The following PRELID2 variants were observed in gnomAD, a reference collection of about 807,000 sequenced individuals.
PRELID2 encodes PRELI domain containing 2.
Under a neutral mutation model 28.4 loss-of-function variants are expected in PRELID2, and 25 were observed. The observed-to-expected ratio is 0.88, with a 90% CI of 0.64 to 1.23. PRELID2 has a LOEUF of 1.23. Among genes scored for constraint, PRELID2 ranks in the 50% most tolerant of loss-of-function variants. The pLI is 0.00. For missense variants in PRELID2, 201 were observed against 214.4 expected (o/e 0.94, Z 0.39); for synonymous variants, 76 against 71.6 (o/e 1.06, Z -0.31).
chr5:145,453,610 C>G, the PRELID2 span, among the ~76,000 whole-genome samples: 1 of 152,070 alleles, frequency 6.6e-6, no homozygotes, highest in South Asian at 2.1e-4. Context: ...TGTTATCTCA[C>G]CCCTAGACCC....
intron 1 of PRELID2, among the ~76,000 whole-genome samples, chr5:145,736,534 GT>G (rs1756501523): frequency 6.6e-6 from 1 of 152,146 alleles, no homozygotes; most frequent in African/African-American, 2.4e-5. Flanking sequence ...TGATGAAGAG[GT>G]TTTTGTTTGA....
intron 1 of PRELID2, among the ~76,000 whole-genome samples, chr5:145,681,062 T>C (rs1283282639): frequency 6.6e-6 from 1 of 152,190 alleles, no homozygotes; most frequent in Non-Finnish European, 1.5e-5. Context: ...TTCTGTCTGC[T>C]TCGGCAGTGG....
chr5:145,673,313 G>A (rs760897225), intron 1 of PRELID2, among the ~76,000 whole-genome samples: 1 of 152,112 alleles, frequency 6.6e-6, no homozygotes, highest in Non-Finnish European at 1.5e-5. Context: ...GATGTTCTGA[G>A]AGAGAGGAGG....
chr5:145,415,159 A>T, the PRELID2 span, among the ~76,000 whole-genome samples: 17 of 152,212 alleles, frequency 1.1e-4, no homozygotes, highest in Non-Finnish European at 2.5e-4. Context: ...GAGCACAATC[A>T]AATTAGATTG....
intron 1 of PRELID2, among the ~76,000 whole-genome samples, chr5:145,518,054 T>C (rs1752531784): frequency 6.6e-6 from 1 of 151,812 alleles, no homozygotes; most frequent in Non-Finnish European, 1.5e-5. Flanking sequence ...GGTGGGTTAA[T>C]GGGTGCAGCA....
intron 1 of PRELID2, among the ~76,000 whole-genome samples, chr5:145,515,903 C>T (rs1256470823): frequency 1.3e-5 from 2 of 152,162 alleles, no homozygotes; most frequent in Admixed American, 1.3e-4. Flanking sequence ...ATGATTATCT[C>T]AATAGATGCA....
the PRELID2 span, among the ~76,000 whole-genome samples, chr5:145,340,079 T>C: frequency 6.6e-6 from 1 of 152,056 alleles, no homozygotes; most frequent in Non-Finnish European, 1.5e-5. Flanking sequence ...CTTCCTACCA[T>C]AGCCAGCACC....
At chr5:145,296,959 T>C in the PRELID2 span, among the ~76,000 whole-genome samples, 10 of 152,340 alleles carry the variant, frequency 6.6e-5, no homozygotes, top group Admixed American at 6.5e-4. Flanking sequence ...TGAGCATTTT[T>C]TCATGTGTTT....
chr5:145,357,385 G>T, the PRELID2 span, among the ~76,000 whole-genome samples: 1 of 152,160 alleles, frequency 6.6e-6, no homozygotes, highest in Non-Finnish European at 1.5e-5. Context: ...ATGAGTCATA[G>T]ATTTGGTTTC....
chr5:145,797,729 C>A (rs964500295), intron 4 of PRELID2, among the ~76,000 whole-genome samples: 4 of 152,064 alleles, frequency 2.6e-5, no homozygotes, highest in African/African-American at 9.7e-5. Context: ...TAGTGAAGGT[C>A]TTCCCTGTAT....
At chr5:145,252,892 C>T in the PRELID2 span, among the ~76,000 whole-genome samples, 1 of 151,906 alleles carries the variant, frequency 6.6e-6, no homozygotes, top group African/African-American at 2.4e-5. Context: ...ATACATGCAT[C>T]AAAAAGAATG....
intron 1 of PRELID2, among the ~76,000 whole-genome samples, chr5:145,733,777 T>C (rs1756415621): frequency 6.6e-6 from 1 of 152,202 alleles, no homozygotes; most frequent in African/African-American, 2.4e-5. Context: ...GTGAGCAGAA[T>C]AGTGGTCCCT....
chr5:145,573,093 G>A (rs1426464630), intron 1 of PRELID2, among the ~76,000 whole-genome samples: 3 of 152,074 alleles, frequency 2.0e-5, no homozygotes, highest in Non-Finnish European at 2.9e-5. Context: ...TTAACCCAAG[G>A]AAAGTTCACA....
At chr5:145,510,274 C>T (rs984932085) in intron 1 of PRELID2, among the ~76,000 whole-genome samples, 2 of 152,268 alleles carry the variant, frequency 1.3e-5, no homozygotes, top group African/African-American at 2.4e-5. Context: ...GCTTTCTTTG[C>T]TCTTCCCTCA....
At chr5:145,475,046 A>T (rs1344197370) in intron 1 of PRELID2, among the ~76,000 whole-genome samples, 1 of 152,238 alleles carries the variant, frequency 6.6e-6, no homozygotes, top group Non-Finnish European at 1.5e-5. Context: ...TCCTCCACAT[A>T]GGACAAGACA....
intron 1 of PRELID2, among the ~76,000 whole-genome samples, chr5:145,660,439 C>T (rs1456159557): frequency 1.3e-5 from 2 of 152,168 alleles, no homozygotes; most frequent in African/African-American, 4.8e-5. Context: ...CCTCCTAACC[C>T]TCTAGGCAGA....
chr5:145,774,256 C>T (rs1240561832), intron 5 of PRELID2, among the ~76,000 whole-genome samples: 1 of 152,190 alleles, frequency 6.6e-6, no homozygotes, highest in Non-Finnish European at 1.5e-5. Context: ...AGGTAAATGA[C>T]TTGTTCAAAG....
chr5:145,644,509 A>G (rs967693583), intron 1 of PRELID2, among the ~76,000 whole-genome samples: 3 of 149,388 alleles, frequency 2.0e-5, no homozygotes, highest in African/African-American at 7.4e-5. Flanking sequence ...TCATGTCTCT[A>G]TCTCCTTCAG....
At chr5:145,329,958 A>G in the PRELID2 span, among the ~76,000 whole-genome samples, 1 of 152,204 alleles carries the variant, frequency 6.6e-6, no homozygotes, top group African/African-American at 2.4e-5. Context: ...CGTTCCATCA[A>G]TACCTAGTTT....
Sources: gnomAD v4.1 joint callset for allele counts (sites outside exome capture counted in the v4.1 genomes callset) on GRCh38, gnomAD v4.1.1 for gene constraint, MANE v1.5 for transcripts, NCBI Gene and HGNC (gene_info 2026-07-23, HGNC 2026-07-21) for gene names.